Variants in FHAD1 observed in about 807,000 individuals in gnomAD.
The protein encoded by FHAD1 is forkhead-associated domain-containing protein 1.
In FHAD1, 146 loss-of-function variants were observed where a neutral mutation model predicts 191.3. The ratio of observed to expected loss-of-function variants is 0.76; its 90% CI spans 0.67 to 0.88. FHAD1 has a LOEUF of 0.88. Among genes scored for constraint, FHAD1 ranks in the 40% least tolerant of loss-of-function variants. The pLI is 0.00. For synonymous variants in FHAD1, 616 were observed against 672.3 expected, an observed-to-expected ratio of 0.92 and a Z score of 1.29; for missense variants, 1,635 against 1,785.8, an observed-to-expected ratio of 0.92 and a Z score of 1.52.
At position 15,241,392 on chromosome 1, in the gene FHAD1, C is replaced by A. The variant is rs144114663; in HGVS notation, c.-15+4631C>A. Among the ~76,000 whole-genome samples the A allele has an allele frequency of 1.4e-3, 206 of 152,294 alleles. 1 individual carries two copies. The highest frequency in any genetic ancestry group is 4.9e-3 in the African/African-American group (202 of 41,560). On this transcript the variant is annotated intron_variant, in intron 1 of 33. Transcript: ENST00000683790. Reference sequence around the variant, plus strand: ...AGAACTGGCCAGGCGCAGTGGCTCACGCCTATAATCCCAGCACTGTGGGAG... The same window carrying A: ...AGAACTGGCCAGGCGCAGTGGCTCAAGCCTATAATCCCAGCACTGTGGGAG...
intron 1 of FHAD1, among the ~76,000 whole-genome samples, chr1:15,239,079 T>C (rs1645082663): frequency 6.6e-6 from 1 of 152,116 alleles, no homozygotes; most frequent in Admixed American, 6.6e-5. Flanking sequence ...AGCTAACTTT[T>C]TTATTTTTTG....
chr1:15,246,872 G>T (rs1441306605), upstream of FHAD1, among the ~76,000 whole-genome samples: 1 of 152,048 alleles, frequency 6.6e-6, no homozygotes, highest in Non-Finnish European at 1.5e-5. Flanking sequence ...GATTTGGGTA[G>T]GGCAGGGGGC....
At chr1:15,273,798 C>T (rs1657133041) in intron 3 of FHAD1, among the ~76,000 whole-genome samples, 1 of 152,186 alleles carries the variant, frequency 6.6e-6, no homozygotes, top group African/African-American at 2.4e-5. Flanking sequence ...AGTGCATTCA[C>T]ATTGTGGCGC....
Position 15,318,322 on chromosome 1 carries a change from C to A in FHAD1, c.1365+394C>A, listed in dbSNP as rs1675145692. The stretch of plus-strand genomic sequence containing the variant: ...AGACCTGCGCTATCCATAACAGTAG[C>A]CACTAACCGCGCATGGCTATTTACA... On this transcript the variant is annotated intron_variant, in intron 10 of 33. Transcript: ENST00000688493. The surrounding 1 kb of genome is among the most constrained non-coding windows in gnomAD (Gnocchi z 4.1). 6.6e-6 allele frequency among the ~76,000 whole-genome samples: 1 copy of A among 152,204 alleles called. No individual in the cohort carries two copies. The highest frequency in any genetic ancestry group is 6.5e-5 in the Admixed American group (1 of 15,280).
intron 20 of FHAD1, among the ~76,000 whole-genome samples, chr1:15,354,317 G>A (rs1475707304): frequency 1.3e-5 from 2 of 152,206 alleles, no homozygotes; most frequent in Non-Finnish European, 1.5e-5. Context: ...AAACAACGCT[G>A]CTCTAGGGAG....
rs1354818821 is a variant in FHAD1, at chr1:15,312,491, A to T, written c.1040-566A>T. Among the ~76,000 whole-genome samples the T allele has an allele frequency of 6.6e-6, 1 of 152,132 alleles. No individual in the cohort carries two copies. The highest frequency in any genetic ancestry group is 1.5e-5 in the Non-Finnish European group (1 of 68,014). ...GCCTGGGCAACATGGGCAAAACTCC[A>T]TGTCTACAAAAAATACAAAAATTAG... On this transcript the variant is annotated intron_variant, in intron 7 of 33. Coordinates refer to ENST00000688493, the MANE Select transcript of FHAD1 (RefSeq NM_001391957.1). The surrounding 1 kb of genome is among the most constrained non-coding windows in gnomAD (Gnocchi z 4.7).
At chr1:15,305,591 T>A (rs1274557815) in intron 6 of FHAD1, among the ~76,000 whole-genome samples, 1 of 152,184 alleles carries the variant, frequency 6.6e-6, no homozygotes, top group Non-Finnish European at 1.5e-5. Flanking sequence ...TTGAATTGTA[T>A]CCCAGAAATC....
rs1334490614 is a variant in FHAD1, at chr1:15,329,637, G to T, written c.1906+96G>T. 4 of 1,188,224 alleles carry T rather than the reference G, an allele frequency of 3.4e-6. No individual in the cohort carries two copies. In the Admixed American group the frequency reaches 8.2e-5, roughly 24 times the overall value. The allele number at this position is 1,188,224 out of a possible 1,614,324, so 73.6% of individuals were successfully genotyped here. A position where few individuals can be genotyped will look rare whatever the true frequency, so the allele number is the denominator to read the frequency against. Reference sequence around the variant, plus strand: ...ACATCTGTTGAGGAAGTCTTCCTGGGTATCTGGCCAAGTCTATTCCCTTCT... The same window carrying T: ...ACATCTGTTGAGGAAGTCTTCCTGGTTATCTGGCCAAGTCTATTCCCTTCT... On this transcript the variant is annotated intron_variant, in intron 14 of 33. Coordinates refer to ENST00000688493, the MANE Select transcript of FHAD1 (RefSeq NM_001391957.1). The surrounding 1 kb of genome is among the most constrained non-coding windows in gnomAD (Gnocchi z 5.0).
intron 3 of FHAD1, among the ~76,000 whole-genome samples, chr1:15,285,927 C>A (rs1365573377): frequency 1.3e-5 from 2 of 152,136 alleles, no homozygotes; most frequent in African/African-American, 4.8e-5. Flanking sequence ...GGACATTGTG[C>A]TAAGTGAAAT....
rs1450843621 is a variant in FHAD1, at chr1:15,349,152, A to G, written c.2454+3A>G. ...ACCATTTAACCCAACAGAAGGAGGT[A>G]TGAGCAGCAGCAGGAAAGAATCCTC... On this transcript the variant is annotated splice_donor_region_variant and intron_variant, in intron 19 of 33. Transcript: ENST00000688493. 2.6e-6 allele frequency: 4 copies of G among 1,544,074 alleles called. No individual in the cohort carries two copies. The highest frequency in any genetic ancestry group is 2.0e-5 in the Admixed American group (1 of 50,952).
chr1:15,260,618 G>A (rs916380341), intron 2 of FHAD1, among the ~76,000 whole-genome samples: 3 of 152,196 alleles, frequency 2.0e-5, no homozygotes, highest in Admixed American at 6.5e-5. Context: ...ACTGGCCATC[G>A]GTTGGAGGCC....
rs1667612223 is a variant in FHAD1 at position 15,298,399 on chromosome 1, G to T, written c.678+1606G>T. Among the ~76,000 whole-genome samples, 2 of 152,222 alleles carry T rather than the reference G, an allele frequency of 1.3e-5. 1 individual carries two copies. Among genetic ancestry groups the T allele is most frequent in the South Asian group, 4.1e-4 (2 of 4,830 alleles). Reference sequence around the variant, plus strand: ...AGGGAGAAGAGTGGGAGCAGGGCAAGGGATAAAAGTCTACAAATATGATGC... The same window carrying T: ...AGGGAGAAGAGTGGGAGCAGGGCAATGGATAAAAGTCTACAAATATGATGC... On this transcript the variant is annotated intron_variant, in intron 5 of 33. Transcript: ENST00000688493.
At chr1:15,390,081 C>G (rs1703503497) in intron 32 of FHAD1, among the ~76,000 whole-genome samples, 1 of 152,104 alleles carries the variant, frequency 6.6e-6, no homozygotes, top group Admixed American at 6.5e-5. Flanking sequence ...CATGGTGGCT[C>G]ACGCCTGTAA....
intron 33 of FHAD1, among the ~76,000 whole-genome samples, chr1:15,393,844 C>T (rs968087543): frequency 6.6e-6 from 1 of 151,972 alleles, no homozygotes; most frequent in African/African-American, 2.4e-5. Flanking sequence ...GACAAAGGCC[C>T]CTGAACTGAG....
At chr1:15,360,403 G>T in intron 21 of FHAD1, 75 bp from the exon 22 acceptor site, 1 of 1,324,240 alleles carries the variant, frequency 7.6e-7, no homozygotes, top group Non-Finnish European at 1.1e-6. Flanking sequence ...ACCTATGTGT[G>T]TGCCCAGGGG....
At chr1:15,371,996 T>C (rs1313450771) in intron 26 of FHAD1, among the ~76,000 whole-genome samples, 1 of 152,168 alleles carries the variant, frequency 6.6e-6, no homozygotes, top group Non-Finnish European at 1.5e-5. Flanking sequence ...TCAAAGGAGA[T>C]AAAGACTGCT....
At position 15,296,677 on chromosome 1, in the gene FHAD1, G is replaced by A. The variant is rs1427682050; in HGVS notation, c.569-7G>A. 27 of 1,551,528 alleles carry A rather than the reference G, an allele frequency of 1.7e-5. No individual in the cohort carries two copies. Among genetic ancestry groups the A allele is most frequent in the East Asian group, 2.4e-5 (1 of 40,908 alleles). On this transcript the variant is annotated splice_region_variant and splice_polypyrimidine_tract_variant and intron_variant, in intron 4 of 33. Transcript: ENST00000688493. ...CTTTTGTGCTCTCTGCTGATCTCAC[G>A]CCTTAGTGTGGACCAATGCCATGAA...
intron 21 of FHAD1, 50 bp from the exon 22 acceptor site, chr1:15,360,428 C>A: frequency 6.7e-7 from 1 of 1,493,504 alleles, no homozygotes; most frequent in Non-Finnish European, 9.1e-7. Flanking sequence ...ATTATTGTTG[C>A]CGTCATACAC....
rs1461477700 is a variant in FHAD1, at chr1:15,296,605, A to G, written c.569-79A>G. The G allele has an allele frequency of 4.9e-6, 6 of 1,220,340 alleles. No homozygotes were observed. The Admixed American group carries it at 9.9e-5, about 20-fold the overall frequency. 75.6% of individuals were successfully genotyped at this position (1,220,340 alleles called of 1,614,324 possible). A position where few individuals can be genotyped will look rare whatever the true frequency, so the allele number is the denominator to read the frequency against. ...AATCTCTGGGGGGAAACAAACAGGAAGGCTAACGTGAACATCTTCTTCAGG... is the reference window on the plus strand; with the variant it reads ...AATCTCTGGGGGGAAACAAACAGGAGGGCTAACGTGAACATCTTCTTCAGG... On this transcript the variant is annotated intron_variant, in intron 4 of 33. Coordinates refer to ENST00000688493, the MANE Select transcript of FHAD1 (RefSeq NM_001391957.1).
Sources: allele counts gnomAD v4.1 joint callset (sites outside exome capture counted in the v4.1 genomes callset), GRCh38; gene constraint gnomAD v4.1.1; non-coding constraint Gnocchi (gnomAD v3.1); transcripts MANE v1.5; gene names NCBI Gene and HGNC (gene_info 2026-07-23, HGNC 2026-07-21).